TBCA: variants seen among roughly 807,000 people sequenced by gnomAD.
The protein encoded by TBCA is tubulin-specific chaperone A.
TBCA carries 6 observed loss-of-function variants against 15.8 expected under a neutral mutation model. The ratio of observed to expected loss-of-function variants is 0.38; its 90% CI spans 0.21 to 0.75. TBCA has a LOEUF of 0.75. Ranked by LOEUF, TBCA falls within the 30% of genes least tolerant of loss-of-function variation. The pLI is 0.46. For missense variants in TBCA, 90 were observed against 131.2 expected, an observed-to-expected ratio of 0.69 and a Z score of 1.53; for synonymous variants, 32 against 42.3, an observed-to-expected ratio of 0.76 and a Z score of 0.94.
chr5:77,707,482 C>T (rs1388368236), intron 2 of TBCA, among the ~76,000 whole-genome samples: 1 of 151,998 alleles, frequency 6.6e-6, no homozygotes. Context: ...CCCAGACATG[C>T]AAAATTTCAG....
intron 1 of TBCA, among the ~76,000 whole-genome samples, chr5:77,725,054 A>G: frequency 7.0e-6 from 1 of 141,850 alleles, no homozygotes; most frequent in Non-Finnish European, 1.6e-5. Context: ...TAGCCCAATG[A>G]GAGGTATTAC....
At position 77,725,090 on chromosome 5, in the gene TBCA, C is replaced by T. The variant is rs183763172; in HGVS notation, c.54-16743G>A. Among the ~76,000 whole-genome samples the T allele has an allele frequency of 3.7e-4, 57 of 152,170 alleles. 1 individual carries two copies. In the East Asian group the frequency reaches 9.1e-3, roughly 24 times the overall value. On this transcript the variant is annotated intron_variant, in intron 1 of 3. Transcript: ENST00000380377. ...CTGAGACGGCTTTTTTATTTGTAGA[C>T]GGATGATGTAGAATATACTCCAATT... is the stretch of plus-strand genomic sequence containing the variant.
intron 1 of TBCA, among the ~76,000 whole-genome samples, chr5:77,758,369 C>T (rs1463690614): frequency 3.3e-5 from 5 of 152,176 alleles, no homozygotes; most frequent in African/African-American, 7.2e-5. Flanking sequence ...TAAAGAAGAA[C>T]ATTTTGAAAC....
intron 1 of TBCA, among the ~76,000 whole-genome samples, chr5:77,755,218 T>C (rs1288982454): frequency 2.0e-5 from 3 of 152,200 alleles, no homozygotes; most frequent in African/African-American, 7.2e-5. Flanking sequence ...AACTTAGGAA[T>C]TTTATAGTTA....
intron 1 of TBCA, among the ~76,000 whole-genome samples, chr5:77,721,394 A>C (rs1005609958): frequency 6.6e-6 from 1 of 152,208 alleles, no homozygotes; most frequent in Non-Finnish European, 1.5e-5. Flanking sequence ...TCCAAGAAGC[A>C]TGTATGAAGA....
At chr5:77,761,380 G>A (rs1191870487) in intron 1 of TBCA, among the ~76,000 whole-genome samples, 1 of 152,138 alleles carries the variant, frequency 6.6e-6, no homozygotes, top group East Asian at 1.9e-4. Context: ...TCAACTCAGG[G>A]TTAAATGGAT....
At chr5:77,748,814 G>A (rs1423972606) in intron 1 of TBCA, among the ~76,000 whole-genome samples, 5 of 152,240 alleles carry the variant, frequency 3.3e-5, no homozygotes, top group African/African-American at 7.2e-5. Context: ...TATTTTGTAC[G>A]TTATATGTAT....
intron 1 of TBCA, among the ~76,000 whole-genome samples, chr5:77,709,844 G>T (rs1318920146): frequency 6.6e-6 from 1 of 152,102 alleles, no homozygotes; most frequent in African/African-American, 2.4e-5. Flanking sequence ...ATAAAGTGCT[G>T]ATTCAAGCCA....
intron 1 of TBCA, among the ~76,000 whole-genome samples, chr5:77,737,265 T>TAAAAAAACAAAAC (rs1554045104): frequency 1.3e-5 from 2 of 152,112 alleles, no homozygotes; most frequent in African/African-American, 4.8e-5. Flanking sequence ...AGCTTTTGTT[T>TAAAAAAACAAAAC]AAAAAAACAA....
chr5:77,717,458 A>T (rs62681061), intron 1 of TBCA, among the ~76,000 whole-genome samples: 73,696 of 151,394 alleles, frequency 0.49, 18,001 homozygotes, highest in South Asian at 0.52. Flanking sequence ...TTTTATGGGG[A>T]TTTCCACTAT....
chr5:77,741,650 G>T (rs1238199160), intron 1 of TBCA, among the ~76,000 whole-genome samples: 1 of 152,340 alleles, frequency 6.6e-6, no homozygotes, highest in African/African-American at 2.4e-5. Context: ...TGGCTAGGGA[G>T]TATTCTAGTC....
At chr5:77,711,425 G>A (rs1485000452) in intron 1 of TBCA, among the ~76,000 whole-genome samples, 5 of 152,030 alleles carry the variant, frequency 3.3e-5, no homozygotes, top group African/African-American at 1.2e-4. Flanking sequence ...ACACTACACC[G>A]AAGCCATTTA....
chr5:77,708,104 C>A, intron 2 of TBCA, 138 bp downstream of exon 2: 1 of 593,674 alleles, frequency 1.7e-6, no homozygotes, highest in Non-Finnish European at 2.9e-6. Context: ...TTTGAGTTTC[C>A]TTATCTTTAA....
chr5:77,758,530 TA>T (rs1747531603), intron 1 of TBCA, among the ~76,000 whole-genome samples: 1 of 152,242 alleles, frequency 6.6e-6, no homozygotes, highest in Non-Finnish European at 1.5e-5. Context: ...TTTAAGACAG[TA>T]GCTTGCCGAT....
intron 1 of TBCA, among the ~76,000 whole-genome samples, chr5:77,760,009 G>C (rs1396461174): frequency 6.6e-6 from 1 of 152,184 alleles, no homozygotes; most frequent in Non-Finnish European, 1.5e-5. Context: ...AAATGACTGG[G>C]ATTCCAAGGC....
chr5:77,765,541 T>C (rs1038398740), intron 1 of TBCA, among the ~76,000 whole-genome samples: 4 of 152,186 alleles, frequency 2.6e-5, no homozygotes, highest in Non-Finnish European at 5.9e-5. Context: ...CTAAGATCTG[T>C]ACCCTCTCCC....
intron 1 of TBCA, among the ~76,000 whole-genome samples, chr5:77,756,420 G>A (rs1747478803): frequency 6.6e-6 from 1 of 152,174 alleles, no homozygotes; most frequent in Non-Finnish European, 1.5e-5. Context: ...GGCACCTTCT[G>A]GTTGGGAGGA....
At chr5:77,738,049 C>G (rs1746950029) in intron 1 of TBCA, among the ~76,000 whole-genome samples, 1 of 152,194 alleles carries the variant, frequency 6.6e-6, no homozygotes, top group Non-Finnish European at 1.5e-5. Flanking sequence ...AGGATATTAC[C>G]TCTACCTCTT....
At chr5:77,737,086 AAT>A (rs1335643241) in intron 1 of TBCA, among the ~76,000 whole-genome samples, 1 of 152,230 alleles carries the variant, frequency 6.6e-6, no homozygotes, top group East Asian at 1.9e-4. Context: ...CTTACAATTG[AAT>A]AGTTTTCCTG....
Sources: allele counts gnomAD v4.1 joint callset (sites outside exome capture counted in the v4.1 genomes callset), GRCh38; gene constraint gnomAD v4.1.1; transcripts MANE v1.5; gene names NCBI Gene and HGNC (gene_info 2026-07-23, HGNC 2026-07-21).